The following RALGAPB variants were observed in gnomAD, a reference collection of about 807,000 sequenced individuals.
The protein encoded by RALGAPB is Ral GTPase activating protein non-catalytic subunit beta.
Under a neutral mutation model 161.1 loss-of-function variants are expected in RALGAPB, and 25 were observed. The observed-to-expected ratio is 0.16, with a 90% CI of 0.11 to 0.22. RALGAPB has a LOEUF of 0.22. Among genes scored for constraint, RALGAPB ranks in the 10% least tolerant of loss-of-function variants. The probability of loss-of-function intolerance (pLI) is 1.00; values close to 1 mark genes in which losing one functional copy is unlikely to be tolerated. For synonymous variants in RALGAPB, 629 were observed against 626.1 expected (o/e 1.00, Z -0.07); for missense variants, 1,391 against 1,815.2 (o/e 0.77, Z 4.25).
Position 38,511,479 on chromosome 20 carries a change from G to A in RALGAPB, c.872+2271G>A, listed in dbSNP as rs546966631. Among the ~76,000 whole-genome samples, 158 of 152,138 alleles carry A rather than the reference G, an allele frequency of 1.0e-3. 1 individual carries two copies. The highest frequency in any genetic ancestry group is 3.1e-3 in the East Asian group (16 of 5,168). On this transcript the variant is annotated intron_variant, in intron 6 of 29. Coordinates refer to ENST00000262879, the MANE Select transcript of RALGAPB (RefSeq NM_020336.4). The stretch of plus-strand genomic sequence containing the variant: ...GTTTTCCTAGGCAGAGGGCCCTGCC[G>A]CCTTCCGCAGTGTTTGTGTCCCTGG...
intron 13 of RALGAPB, among the ~76,000 whole-genome samples, chr20:38,526,558 TC>T (rs2086477706): frequency 1.3e-5 from 2 of 152,186 alleles, no homozygotes; most frequent in South Asian, 4.1e-4. Flanking sequence ...GGGTGTTCTT[TC>T]CCTAGATTTT....
At chr20:38,564,504 C>G (rs897872856) in intron 24 of RALGAPB, among the ~76,000 whole-genome samples, 9 of 152,152 alleles carry the variant, frequency 5.9e-5, no homozygotes, top group Non-Finnish European at 4.4e-5. Context: ...CATATCTTAT[C>G]ATATTTTTAT....
intron 26 of RALGAPB, chr20:38,568,424 A>G (rs1334806067): frequency 2.0e-5 from 3 of 152,214 alleles, no homozygotes; most frequent in Admixed American, 2.0e-4. Context: ...AGCTAACATT[A>G]TACTTATACA....
intron 18 of RALGAPB, among the ~76,000 whole-genome samples, chr20:38,543,024 G>T (rs1303836520): frequency 2.0e-5 from 3 of 152,138 alleles, no homozygotes; most frequent in Non-Finnish European, 4.4e-5. Flanking sequence ...TGAGTGCATG[G>T]CTAGCAGTGA....
At chr20:38,550,878 T>C (rs1005179341) in intron 20 of RALGAPB, among the ~76,000 whole-genome samples, 193 bp from the exon 21 acceptor site, 6 of 152,166 alleles carry the variant, frequency 3.9e-5, no homozygotes, top group African/African-American at 1.4e-4. Context: ...TGAATATTTT[T>C]AGAAAAATAG....
In RALGAPB at chr20:38,576,919, T is replaced by A. The variant is rs544195301; in HGVS notation, c.*1952T>A. On this transcript the variant is annotated 3_prime_UTR_variant, in exon 30 of 30. Transcript: ENST00000262879. ...ATCAAACTTTTACTTTTGGCATAGT[T>A]AATTTCAGAAAAATGTGCTGTATGT... The A allele has an allele frequency of 6.6e-6, 1 of 152,624 alleles. No homozygotes were observed. Among genetic ancestry groups the A allele is most frequent in the Non-Finnish European group, 1.5e-5 (1 of 68,010 alleles). The allele number at this position is 152,624 out of a possible 1,614,324, so 9.5% of individuals were successfully genotyped here.
At chr20:38,554,109 T>G in intron 22 of RALGAPB, 33 bp downstream of exon 22, 1 of 1,518,136 alleles carries the variant, frequency 6.6e-7, no homozygotes, top group Non-Finnish European at 9.1e-7. Flanking sequence ...AATAAATATA[T>G]TCACAAGTTA....
chr20:38,541,984 T>C (rs956925976), intron 18 of RALGAPB, among the ~76,000 whole-genome samples: 4 of 152,250 alleles, frequency 2.6e-5, no homozygotes, highest in African/African-American at 9.6e-5. Flanking sequence ...GTTTGGTACC[T>C]TGAAAAAGAG....
intron 20 of RALGAPB, 96 bp from the exon 21 acceptor site, chr20:38,550,975 G>T: frequency 7.2e-7 from 1 of 1,394,134 alleles, no homozygotes; most frequent in South Asian, 1.4e-5. Flanking sequence ...TGTAATCCTA[G>T]GGAAACACAG....
intron 23 of RALGAPB, among the ~76,000 whole-genome samples, chr20:38,560,498 G>T (rs1032188138): frequency 6.6e-6 from 1 of 152,158 alleles, no homozygotes; most frequent in Non-Finnish European, 1.5e-5. Context: ...TAATATGCTT[G>T]GAGCTTAAGA....
chr20:38,477,851 C>T (rs148009855), intron 1 of RALGAPB, among the ~76,000 whole-genome samples: 40 of 152,238 alleles, frequency 2.6e-4, no homozygotes, highest in Middle Eastern at 3.4e-3. Context: ...TCACCGAGTG[C>T]GGTGGCTGAC....
At chr20:38,521,452 G>A (rs149588262) in intron 9 of RALGAPB, 45 bp from the exon 10 acceptor site, 52 of 1,610,528 alleles carry the variant, frequency 3.2e-5, no homozygotes, top group East Asian at 2.2e-4. Context: ...ATGAGCCTAC[G>A]TGGCATATTG....
At position 38,567,096 on chromosome 20, in the gene RALGAPB, C is replaced by T. The variant is rs765439761; in HGVS notation, c.3818C>T (p.Thr1273Ile). The part of the protein sequence containing the change: ...FVVPSPVESL[T>I]DSLESNISDQ... ...TTGCTTTTTTTCCTTTACCCCATAG[C>T]TGATTCATTGGAAAGTAACATCTCG... The change falls in exon 26 of 30, where the codon ACT (threonine) becomes ATT (isoleucine). Residue 1273 changes from threonine (T) to isoleucine (I), a missense_variant and splice_region_variant. By Grantham distance (89) the Thr-to-Ile change is moderately conservative. Coordinates refer to ENST00000262879, the MANE Select transcript of RALGAPB (RefSeq NM_020336.4). 3 of 1,612,542 alleles carry T rather than the reference C, an allele frequency of 1.9e-6. No individual in the cohort carries two copies. Among genetic ancestry groups the T allele is most frequent in the African/African-American group, 1.3e-5 (1 of 74,834 alleles).
At chr20:38,508,649 G>A (rs1600890013) in intron 5 of RALGAPB, among the ~76,000 whole-genome samples, 1 of 151,938 alleles carries the variant, frequency 6.6e-6, no homozygotes, top group African/African-American at 2.4e-5. Context: ...CATGTATCTT[G>A]TAAAGAAGAT....
intron 26 of RALGAPB, chr20:38,568,566 A>G (rs981791816): frequency 6.6e-6 from 1 of 152,248 alleles, no homozygotes; most frequent in Admixed American, 6.5e-5. Context: ...AACATAGTAC[A>G]TAAAGATTAG....
At chr20:38,550,299 A>C (rs2087333074) in intron 20 of RALGAPB, among the ~76,000 whole-genome samples, 1 of 152,220 alleles carries the variant, frequency 6.6e-6, no homozygotes, top group Non-Finnish European at 1.5e-5. Context: ...TATCATAATA[A>C]AAAAATGTGA....
chr20:38,488,735 G>A (rs1294969500), intron 2 of RALGAPB, 117 bp downstream of exon 2: 10 of 987,534 alleles, frequency 1.0e-5, no homozygotes, highest in South Asian at 1.7e-5. Flanking sequence ...GTAGAATAAC[G>A]TCAACTTTTT....
intron 29 of RALGAPB, 122 bp downstream of exon 29, chr20:38,574,420 T>C: frequency 8.7e-7 from 1 of 1,146,976 alleles, no homozygotes; most frequent in Non-Finnish European, 1.2e-6. Context: ...TAGGAAATGG[T>C]ATGGCTCTTG....
intron 26 of RALGAPB, chr20:38,568,554 G>GA (rs1438219135): frequency 1.3e-5 from 2 of 152,116 alleles, no homozygotes; most frequent in East Asian, 3.9e-4. Context: ...AAGACAAAAG[G>GA]AAACATAGTA....
Sources: gnomAD v4.1 joint callset for allele counts (sites outside exome capture counted in the v4.1 genomes callset) on GRCh38, gnomAD v4.1.1 for gene constraint, MANE v1.5 for transcripts, NCBI Gene and HGNC (gene_info 2026-07-23, HGNC 2026-07-21) for gene names.